ZFAND3: variants seen among roughly 807,000 people sequenced by gnomAD.
ZFAND3 encodes the protein AN1-type zinc finger protein 3.
ZFAND3 carries 10 observed loss-of-function variants against 29.6 expected under a neutral mutation model. The observed-to-expected ratio is 0.34, with a 90% CI of 0.21 to 0.57. The LOEUF (loss-of-function observed/expected upper bound fraction) is 0.57. Among genes scored for constraint, ZFAND3 ranks in the 20% least tolerant of loss-of-function variants. The pLI is 0.86. For synonymous variants in ZFAND3, 128 were observed against 112.6 expected (o/e 1.14, Z -0.87); for missense variants, 230 against 304.5 (o/e 0.76, Z 1.82).
At chr6:37,933,883 ATTTTTTTTTT>A (rs58837762) in intron 2 of ZFAND3, among the ~76,000 whole-genome samples, 2 of 116,524 alleles carry the variant, frequency 1.7e-5, no homozygotes, top group African/African-American at 6.4e-5. Flanking sequence ...TCTCTCTCTC[ATTTTTTTTTT>A]TTTTTTTTTT....
At chr6:37,887,417 AAG>A (rs1561922775) in intron 1 of ZFAND3, among the ~76,000 whole-genome samples, 1 of 152,196 alleles carries the variant, frequency 6.6e-6, no homozygotes, top group Non-Finnish European at 1.5e-5. Flanking sequence ...AAATTATTAA[AAG>A]AAATATATTT....
chr6:38,153,944 T>G lies in ZFAND3; in HGVS notation c.*1555T>G, dbSNP rs1766291801. On this transcript the variant is annotated 3_prime_UTR_variant, in exon 6 of 6. Transcript: ENST00000287218. ...AAATGGTTCAACTCTGTCTGCAAAT[T>G]AACAGCTGAACACCTGCAACTGCAA... 1 of 985,300 alleles carries G rather than the reference T, an allele frequency of 1.0e-6. No homozygotes were observed. The highest frequency in any genetic ancestry group is 4.7e-5 in the South Asian group (1 of 21,296). 61.0% of individuals were successfully genotyped at this position (985,300 alleles called of 1,614,324 possible).
chr6:37,949,550 C>G (rs1261983155), intron 2 of ZFAND3, among the ~76,000 whole-genome samples: 2 of 152,180 alleles, frequency 1.3e-5, no homozygotes, highest in Non-Finnish European at 2.9e-5. Flanking sequence ...ACTGCTCCCT[C>G]CTTTCCCCAC....
intron 2 of ZFAND3, among the ~76,000 whole-genome samples, chr6:37,964,065 T>C (rs958227413): frequency 1.2e-4 from 19 of 152,202 alleles, no homozygotes; most frequent in African/African-American, 4.6e-4. Context: ...TGTTTCATTC[T>C]TTTTTCCCCC....
chr6:38,057,693 A>G (rs1423321278), intron 2 of ZFAND3, among the ~76,000 whole-genome samples: 1 of 152,224 alleles, frequency 6.6e-6, no homozygotes, highest in Non-Finnish European at 1.5e-5. Context: ...TGTATTGCAC[A>G]GACTTTGGCA....
chr6:38,041,112 A>C (rs943729178), intron 2 of ZFAND3, among the ~76,000 whole-genome samples: 2 of 152,106 alleles, frequency 1.3e-5, no homozygotes, highest in Admixed American at 6.6e-5. Context: ...ATTTTGTAGA[A>C]TGTCCCTCAG....
At chr6:37,908,638 G>A (rs1166963810) in intron 1 of ZFAND3, among the ~76,000 whole-genome samples, 2 of 150,568 alleles carry the variant, frequency 1.3e-5, no homozygotes, top group Admixed American at 6.6e-5. Context: ...ACTCAGGAAG[G>A]CTTGGAAGCT....
chr6:38,036,768 A>G (rs1403199638), intron 2 of ZFAND3, among the ~76,000 whole-genome samples: 1 of 152,118 alleles, frequency 6.6e-6, no homozygotes, highest in African/African-American at 2.4e-5. Context: ...TTTTTTATTA[A>G]AAATCTTTTT....
intron 1 of ZFAND3, among the ~76,000 whole-genome samples, chr6:37,867,573 G>A (rs1764611742): frequency 6.6e-6 from 1 of 152,144 alleles, no homozygotes; most frequent in Non-Finnish European, 1.5e-5. Context: ...GGTCCTTAAT[G>A]TGGGTTTAAA....
At chr6:38,070,372 C>G (rs1473148402) in intron 3 of ZFAND3, among the ~76,000 whole-genome samples, 1 of 149,858 alleles carries the variant, frequency 6.7e-6, no homozygotes, top group South Asian at 2.1e-4. Flanking sequence ...TGCAGTGAGC[C>G]GAGATCACTC....
intron 1 of ZFAND3, among the ~76,000 whole-genome samples, chr6:37,858,061 ACT>A (rs1764417070): frequency 6.6e-6 from 1 of 150,578 alleles, no homozygotes; most frequent in Non-Finnish European, 1.5e-5. Flanking sequence ...AACTGTGTAA[ACT>A]CTAGTGACCT....
intron 2 of ZFAND3, among the ~76,000 whole-genome samples, chr6:37,964,523 G>C (rs1260504748): frequency 1.3e-5 from 2 of 152,328 alleles, no homozygotes; most frequent in Non-Finnish European, 2.9e-5. Flanking sequence ...CAGCCCCTTA[G>C]AGACAGCCAG....
At chr6:38,047,044 C>G (rs562617358) in intron 2 of ZFAND3, among the ~76,000 whole-genome samples, 1 of 152,002 alleles carries the variant, frequency 6.6e-6, no homozygotes, top group Non-Finnish European at 1.5e-5. Flanking sequence ...GACTTCTGGC[C>G]AGGTGCGGTG....
At chr6:37,976,545 C>G (rs1011707253) in intron 2 of ZFAND3, among the ~76,000 whole-genome samples, 1 of 141,714 alleles carries the variant, frequency 7.1e-6, no homozygotes, top group African/African-American at 2.6e-5. Flanking sequence ...GATTGCGCCA[C>G]TGCACTCCAG....
intron 1 of ZFAND3, among the ~76,000 whole-genome samples, chr6:37,868,232 T>G (rs1392423178): frequency 6.6e-6 from 1 of 152,246 alleles, no homozygotes; most frequent in Non-Finnish European, 1.5e-5. Flanking sequence ...GGGCATTCCC[T>G]GCCCTGTAGG....
intron 2 of ZFAND3, among the ~76,000 whole-genome samples, chr6:37,975,647 T>C (rs1238118923): frequency 6.6e-6 from 1 of 152,206 alleles, no homozygotes; most frequent in Non-Finnish European, 1.5e-5. Flanking sequence ...GAAAAGGCTA[T>C]CTTTCTTCAC....
At chr6:38,014,334 T>TA (rs560480123) in intron 2 of ZFAND3, among the ~76,000 whole-genome samples, 74,989 of 147,862 alleles carry the variant, frequency 0.51, 20,292 homozygotes, top group South Asian at 0.6. Context: ...ATTATTATTT[T>TA]TTTTTTTTTG....
At chr6:37,848,187 T>C (rs558648136) in intron 1 of ZFAND3, among the ~76,000 whole-genome samples, 1 of 152,400 alleles carries the variant, frequency 6.6e-6, no homozygotes, top group East Asian at 1.9e-4. Flanking sequence ...GCTTTGACAG[T>C]TGCAACCTGG....
chr6:37,911,196 G>T (rs1001423361), intron 1 of ZFAND3, among the ~76,000 whole-genome samples: 1 of 152,146 alleles, frequency 6.6e-6, no homozygotes, highest in Non-Finnish European at 1.5e-5. Flanking sequence ...GCCAACACTT[G>T]TTGTTATCTC....
Sources: gnomAD v4.1 joint callset for allele counts (sites outside exome capture counted in the v4.1 genomes callset) on GRCh38, gnomAD v4.1.1 for gene constraint, MANE v1.5 for transcripts, NCBI Gene and HGNC (gene_info 2026-07-23, HGNC 2026-07-21) for gene names.